The following ME1 variants were observed in gnomAD, a reference collection of about 807,000 sequenced individuals.
ME1 encodes the protein NADP-dependent malic enzyme.
ME1 carries 74 observed loss-of-function variants against 66.4 expected under a neutral mutation model. That is an observed-to-expected ratio of 1.11 (90% CI 0.92 to 1.35). The LOEUF is 1.35. Among genes scored for constraint, ME1 ranks in the 40% most tolerant of loss-of-function variants. ME1 has a pLI of 0.00. For missense variants in ME1, 750 were observed against 694.1 expected (o/e 1.08, Z -0.90); for synonymous variants, 251 against 235.6 (o/e 1.07, Z -0.60).
intron 7 of ME1, among the ~76,000 whole-genome samples, chr6:83,250,361 T>C (rs1790701215): frequency 6.6e-6 from 1 of 152,184 alleles, no homozygotes; most frequent in African/African-American, 2.4e-5. Flanking sequence ...TAGAAGCTGT[T>C]ATATAACTTT....
chr6:83,362,858 A>G (rs1409650696), intron 3 of ME1, among the ~76,000 whole-genome samples: 5 of 152,170 alleles, frequency 3.3e-5, no homozygotes, highest in South Asian at 2.1e-4. Context: ...AAAGGCACTC[A>G]CTTTATGGCC....
intron 3 of ME1, among the ~76,000 whole-genome samples, chr6:83,352,372 G>A (rs1013574588): frequency 7.2e-6 from 1 of 138,956 alleles, no homozygotes; most frequent in Non-Finnish European, 1.6e-5. Context: ...TGTTCTCTTA[G>A]ATATTTTAAA....
At chr6:83,430,846 G>A (rs1285492791) in intron 1 of ME1, 31 bp downstream of exon 1, 7 of 1,567,988 alleles carry the variant, frequency 4.5e-6, no homozygotes, top group South Asian at 2.3e-5. Flanking sequence ...GAGAGGGGCC[G>A]ATGGGCGGCC....
chr6:83,213,868 T>A (rs1789944912), intron 13 of ME1, among the ~76,000 whole-genome samples: 1 of 151,998 alleles, frequency 6.6e-6, no homozygotes, highest in South Asian at 2.1e-4. Flanking sequence ...ATTATAATAA[T>A]GTTAGAAAAT....
At chr6:83,418,075 A>G (rs1306067617) in intron 1 of ME1, among the ~76,000 whole-genome samples, 4 of 152,210 alleles carry the variant, frequency 2.6e-5, no homozygotes, top group African/African-American at 7.2e-5. Context: ...AAACACCACA[A>G]GATGGCTTTC....
intron 6 of ME1, among the ~76,000 whole-genome samples, chr6:83,291,254 G>A (rs1001005808): frequency 6.6e-6 from 1 of 152,182 alleles, no homozygotes; most frequent in Non-Finnish European, 1.5e-5. Flanking sequence ...GCAGTGGCTG[G>A]TACCAGTTGT....
In ME1 at chr6:83,404,194, C is replaced by G. The variant is rs145446141; in HGVS notation, c.212+3574G>C. Among the ~76,000 whole-genome samples, 49 of 152,232 alleles carry G rather than the reference C, an allele frequency of 3.2e-4. No individual in the cohort carries two copies. In the East Asian group the frequency reaches 7.5e-3, roughly 23 times the overall value. On this transcript the variant is annotated intron_variant, in intron 2 of 13. Coordinates refer to ENST00000369705, the MANE Select transcript of ME1 (RefSeq NM_002395.6). ...GTTTCCTGATTTTTTTAATGATCGC[C>G]ATTCTAAGTGGTGTCAGATGGTATT... is the stretch of plus-strand genomic sequence containing the variant.
chr6:83,298,453 T>C (rs1176843881), intron 6 of ME1, among the ~76,000 whole-genome samples: 1 of 152,180 alleles, frequency 6.6e-6, no homozygotes, highest in Non-Finnish European at 1.5e-5. Flanking sequence ...TCCTTGAAGA[T>C]GTTGGATATT....
chr6:83,407,451 C>T (rs929268176), intron 2 of ME1, among the ~76,000 whole-genome samples: 2 of 152,210 alleles, frequency 1.3e-5, no homozygotes, highest in African/African-American at 2.4e-5. Context: ...CTACAATATA[C>T]TTAAAGTGTG....
At chr6:83,219,216 A>G (rs146084591) in intron 12 of ME1, among the ~76,000 whole-genome samples, 12 of 152,324 alleles carry the variant, frequency 7.9e-5, no homozygotes, top group African/African-American at 2.9e-4. Flanking sequence ...TGTTCTGCAA[A>G]GGAGATGTGG....
At chr6:83,221,041 T>G (rs1157828145) in intron 12 of ME1, among the ~76,000 whole-genome samples, 1 of 152,110 alleles carries the variant, frequency 6.6e-6, no homozygotes, top group African/African-American at 2.4e-5. Flanking sequence ...GTGCCTGTAA[T>G]CCCAGATACT....
intron 7 of ME1, among the ~76,000 whole-genome samples, chr6:83,245,116 T>A (rs1389144356): frequency 1.3e-5 from 2 of 151,020 alleles, no homozygotes; most frequent in African/African-American, 4.9e-5. Context: ...GAAGCTTAGA[T>A]AAGAAAAGGA....
intron 5 of ME1, among the ~76,000 whole-genome samples, chr6:83,329,218 C>T (rs1200615734): frequency 1.3e-5 from 2 of 152,016 alleles, no homozygotes; most frequent in Non-Finnish European, 2.9e-5. Context: ...CAAAGAATAC[C>T]AATAATCTCT....
At chr6:83,287,514 G>C (rs1002287266) in intron 6 of ME1, among the ~76,000 whole-genome samples, 1 of 152,022 alleles carries the variant, frequency 6.6e-6, no homozygotes, top group Non-Finnish European at 1.5e-5. Context: ...TAGTATTCCA[G>C]AGTATATATG....
chr6:83,303,488 C>G (rs987939529), intron 6 of ME1, among the ~76,000 whole-genome samples: 1 of 152,064 alleles, frequency 6.6e-6, no homozygotes, highest in Admixed American at 6.6e-5. Flanking sequence ...CTTTGGGTAG[C>G]AAGGGAAAGC....
At chr6:83,250,619 C>T (rs1404364770) in intron 7 of ME1, among the ~76,000 whole-genome samples, 4 of 152,224 alleles carry the variant, frequency 2.6e-5, no homozygotes, top group African/African-American at 9.6e-5. Flanking sequence ...TACCTGTCTA[C>T]TTCTAACTTC....
intron 5 of ME1, among the ~76,000 whole-genome samples, chr6:83,322,395 C>T (rs1768197198): frequency 6.6e-6 from 1 of 152,018 alleles, no homozygotes; most frequent in Non-Finnish European, 1.5e-5. Flanking sequence ...TGCAAGGAAG[C>T]TAAGAACCTT....
At chr6:83,355,610 A>G (rs1768874615) in intron 3 of ME1, among the ~76,000 whole-genome samples, 2 of 152,148 alleles carry the variant, frequency 1.3e-5, no homozygotes, top group Non-Finnish European at 1.5e-5. Context: ...GTAACGTCCC[A>G]CCAAAACCAA....
intron 6 of ME1, among the ~76,000 whole-genome samples, chr6:83,284,773 TC>T (rs1767365350): frequency 6.6e-6 from 1 of 152,088 alleles, no homozygotes; most frequent in Admixed American, 6.6e-5. Context: ...GGAAGCATTC[TC>T]CTTAAGATCA....
Sources: allele counts gnomAD v4.1 joint callset (sites outside exome capture counted in the v4.1 genomes callset), GRCh38; gene constraint gnomAD v4.1.1; transcripts MANE v1.5; gene names NCBI Gene and HGNC (gene_info 2026-07-23, HGNC 2026-07-21).